TENM3: variants seen among roughly 807,000 people sequenced by gnomAD.
The protein encoded by TENM3 is teneurin transmembrane protein 3, also known as teneurin-3.
Under a neutral mutation model 255.1 loss-of-function variants are expected in TENM3, and 63 were observed. The ratio of observed to expected loss-of-function variants is 0.25; its 90% CI spans 0.20 to 0.30. The LOEUF is 0.30. Among genes scored for constraint, TENM3 ranks in the 10% least tolerant of loss-of-function variants. The pLI is 1.00. For missense variants in TENM3, 2,929 were observed against 3,461.1 expected (o/e 0.85, Z 3.86); for synonymous variants, 1,306 against 1,322.3 (o/e 0.99, Z 0.27).
At chr4:182,706,453 T>C (rs1758288571) in intron 12 of TENM3, among the ~76,000 whole-genome samples, 1 of 152,076 alleles carries the variant, frequency 6.6e-6, no homozygotes, top group African/African-American at 2.4e-5. Context: ...TTAGAATACA[T>C]GGGAGGGGAG....
chr4:181,909,035 A>C, the TENM3 span, among the ~76,000 whole-genome samples: 3 of 152,194 alleles, frequency 2.0e-5, no homozygotes, highest in Non-Finnish European at 4.4e-5. Flanking sequence ...CTGGTTTTTC[A>C]ACTTGACTTC....
the TENM3 span, among the ~76,000 whole-genome samples, chr4:181,500,668 G>A: frequency 0.14 from 20,685 of 152,048 alleles, 1,758 homozygotes; most frequent in African/African-American, 0.24. Flanking sequence ...TCCACTTTGC[G>A]CTCAAAGGTA....
At chr4:182,036,957 T>A in the TENM3 span, among the ~76,000 whole-genome samples, 404 of 152,294 alleles carry the variant, frequency 2.7e-3, 2 homozygotes, top group East Asian at 0.014. Context: ...TGTTGAAAAC[T>A]GCCCTAAACT....
the TENM3 span, among the ~76,000 whole-genome samples, chr4:181,667,320 C>T: frequency 6.6e-6 from 1 of 152,110 alleles, no homozygotes; most frequent in African/African-American, 2.4e-5. Flanking sequence ...GACTGGTCAT[C>T]CAAAACAGAC....
At chr4:182,763,312 CA>C (rs1431206953) in intron 22 of TENM3, among the ~76,000 whole-genome samples, 7 of 152,206 alleles carry the variant, frequency 4.6e-5, no homozygotes, top group Admixed American at 3.3e-4. Flanking sequence ...CCTGTAATCC[CA>C]ACAACACTTT....
the TENM3 span, among the ~76,000 whole-genome samples, chr4:181,674,807 T>A: frequency 8.3e-3 from 1,257 of 152,250 alleles, 44 homozygotes; most frequent in East Asian, 0.1. Flanking sequence ...TTGCTTTTTT[T>A]AAAATATAAT....
intron 3 of TENM3, among the ~76,000 whole-genome samples, chr4:182,509,377 C>A (rs960277739): frequency 2.6e-5 from 4 of 152,146 alleles, no homozygotes; most frequent in Admixed American, 1.3e-4. Context: ...ATAGTAAGCA[C>A]CATATAATGC....
chr4:182,279,317 T>C (rs1760219462), intron 1 of TENM3, among the ~76,000 whole-genome samples: 1 of 152,232 alleles, frequency 6.6e-6, no homozygotes, highest in Non-Finnish European at 1.5e-5. Flanking sequence ...GAAAGAGATA[T>C]ATTGCTTATA....
chr4:182,335,512 A>AAAG (rs1764073355), intron 2 of TENM3, among the ~76,000 whole-genome samples: 1 of 149,054 alleles, frequency 6.7e-6, no homozygotes, highest in Non-Finnish European at 1.5e-5. Flanking sequence ...AAAAAAAAAA[A>AAAG]AAAAAAAGAC....
the TENM3 span, among the ~76,000 whole-genome samples, chr4:181,791,457 G>A: frequency 6.6e-6 from 1 of 152,024 alleles, no homozygotes; most frequent in African/African-American, 2.4e-5. Context: ...TGAACATCCG[G>A]GGTAGTGTTT....
intron 3 of TENM3, among the ~76,000 whole-genome samples, chr4:182,440,114 CTTT>C (rs5864784): frequency 3.9e-5 from 5 of 126,738 alleles, no homozygotes; most frequent in Non-Finnish European, 6.4e-5. Context: ...TGGTGGGCAC[CTTT>C]TTTTTTTTTT....
the TENM3 span, among the ~76,000 whole-genome samples, chr4:182,054,228 C>G: frequency 6.6e-6 from 1 of 152,154 alleles, no homozygotes; most frequent in African/African-American, 2.4e-5. Context: ...CTCCTCCTGC[C>G]CACTGCCCAT....
the TENM3 span, among the ~76,000 whole-genome samples, chr4:181,802,117 CT>C: frequency 6.6e-6 from 1 of 152,156 alleles, no homozygotes; most frequent in Admixed American, 6.6e-5. Context: ...GGCACAAATA[CT>C]TTTCATTGAT....
At chr4:182,051,898 T>G in the TENM3 span, among the ~76,000 whole-genome samples, 2 of 152,154 alleles carry the variant, frequency 1.3e-5, no homozygotes, top group Non-Finnish European at 2.9e-5. Context: ...GCACTAAAGA[T>G]TACCCTAAAA....
chr4:182,362,967 G>C (rs973010126), intron 3 of TENM3, among the ~76,000 whole-genome samples: 4 of 152,134 alleles, frequency 2.6e-5, no homozygotes, highest in Non-Finnish European at 5.9e-5. Flanking sequence ...TTCTGAAAAA[G>C]ATACCTTTCT....
At chr4:181,561,860 C>G in the TENM3 span, among the ~76,000 whole-genome samples, 3 of 152,188 alleles carry the variant, frequency 2.0e-5, no homozygotes, top group Non-Finnish European at 2.9e-5. Context: ...CCTTTTGATA[C>G]ATGTTTTCGG....
chr4:181,792,547 C>T, the TENM3 span, among the ~76,000 whole-genome samples: 2 of 152,096 alleles, frequency 1.3e-5, no homozygotes, highest in African/African-American at 2.4e-5. Context: ...TATACAATTA[C>T]GTTTGAAAAT....
intron 4 of TENM3, among the ~76,000 whole-genome samples, chr4:182,620,545 A>G (rs1213159619): frequency 6.6e-6 from 1 of 152,200 alleles, no homozygotes; most frequent in Non-Finnish European, 1.5e-5. Context: ...TTTTACATGT[A>G]TATTTTCACA....
chr4:181,558,945 T>A, the TENM3 span, among the ~76,000 whole-genome samples: 1 of 152,144 alleles, frequency 6.6e-6, no homozygotes, highest in Non-Finnish European at 1.5e-5. Flanking sequence ...GAATCTCACT[T>A]ATTATTTTAC....
Sources: allele counts gnomAD v4.1 joint callset (sites outside exome capture counted in the v4.1 genomes callset), GRCh38; gene constraint gnomAD v4.1.1; transcripts MANE v1.5; gene names NCBI Gene and HGNC (gene_info 2026-07-23, HGNC 2026-07-21).